The following EXT1 variants were observed in gnomAD, a reference collection of about 807,000 sequenced individuals.
EXT1 encodes the protein exostosin-1.
EXT1 carries 20 observed loss-of-function variants against 82.5 expected under a neutral mutation model. The ratio of observed to expected loss-of-function variants is 0.24; its 90% CI spans 0.17 to 0.35. The LOEUF (loss-of-function observed/expected upper bound fraction) is 0.35. Among genes scored for constraint, EXT1 ranks in the 10% least tolerant of loss-of-function variants. The pLI is 1.00. For missense variants in EXT1, 757 were observed against 936.5 expected (o/e 0.81, Z 2.50); for synonymous variants, 348 against 350.8 (o/e 0.99, Z 0.09).
At chr8:117,905,199 T>C (rs1238764539) in intron 1 of EXT1, among the ~76,000 whole-genome samples, 1 of 152,306 alleles carries the variant, frequency 6.6e-6, no homozygotes, top group African/African-American at 2.4e-5. Flanking sequence ...AGACCTAGAT[T>C]CAAATCTAGC....
intron 1 of EXT1, among the ~76,000 whole-genome samples, chr8:117,921,100 C>T (rs1813846659): frequency 2.0e-5 from 3 of 152,188 alleles, no homozygotes; most frequent in Non-Finnish European, 4.4e-5. Context: ...TGCATTACAG[C>T]TTACAAAGTA....
At chr8:117,848,405 C>T (rs760518166) in intron 1 of EXT1, among the ~76,000 whole-genome samples, 13 of 152,160 alleles carry the variant, frequency 8.5e-5, no homozygotes, top group African/African-American at 3.1e-4. Flanking sequence ...CTCCCTCCTC[C>T]TCCTCCAGCT....
chr8:118,089,321 TCA>T lies in EXT1; in HGVS notation c.962+20762_962+20763del, dbSNP rs536061926. On this transcript the variant is annotated intron_variant, in intron 1 of 10. Coordinates refer to ENST00000378204, the MANE Select transcript of EXT1 (RefSeq NM_000127.3). The stretch of plus-strand genomic sequence containing the variant: ...AAGAGTGAAATGCCAAATTTTACAC[TCA>T]GTTATAAACTAATCGAAGGAGCATT... Among the ~76,000 whole-genome samples the T allele has an allele frequency of 7.2e-5, 11 of 152,278 alleles. No individual in the cohort carries two copies. The South Asian group carries it at 1.5e-3, about 20-fold the overall frequency.
Position 118,111,000 on chromosome 8 carries a change from C to G in EXT1, c.47G>C (p.Cys16Ser). The G allele has an allele frequency of 6.2e-7, 1 of 1,606,468 alleles. No homozygotes were observed. Among genetic ancestry groups the G allele is most frequent in the Non-Finnish European group, 8.5e-7 (1 of 1,179,786 alleles). ...TCCGAAATAAAACAAAAGGGCGAGACAAGAGCCAGCTGAGAGCAGGATGAA... is the reference window on the plus strand; with the variant it reads ...TCCGAAATAAAACAAAAGGGCGAGAGAAGAGCCAGCTGAGAGCAGGATGAA... ...RYFILLSAGS[C>S]LALLFYFGGL... Residue 16 changes from cysteine to serine, a missense_variant, in exon 1 of 11, where the codon TGT becomes TCT. Physicochemically the swap from Cys to Ser is moderately radical, Grantham distance 112. Transcript: ENST00000378204.
chr8:117,893,472 A>G (rs17450835), intron 1 of EXT1, among the ~76,000 whole-genome samples: 37,848 of 152,058 alleles, frequency 0.25, 5,594 homozygotes, highest in East Asian at 0.36. Flanking sequence ...AAGAAACAAA[A>G]GGCCTTTGGA....
chr8:118,058,085 T>C (rs1286353193), intron 1 of EXT1, among the ~76,000 whole-genome samples: 2 of 151,420 alleles, frequency 1.3e-5, no homozygotes, highest in East Asian at 1.9e-4. Flanking sequence ...TATTCCCAAA[T>C]GACAATGTAT....
rs1201282610 is a variant in EXT1 at position 117,835,474 on chromosome 8, G to A, written c.1134C>T (p.Ala378=). 1.9e-6 allele frequency: 3 copies of A among 1,614,040 alleles called. No individual in the cohort carries two copies. The highest frequency in any genetic ancestry group is 2.5e-6 in the Non-Finnish European group (3 of 1,179,978). ...ATAACAATCTCTCATCGCCTATGAC[G>A]GCAGCTTGGTTCCAATTAATCACTT... ...FSEVINWNQA[A]VIGDERLLLQ... The change falls in exon 3 of 11, where the codon GCC becomes GCT. Residue 378 remains alanine, a synonymous_variant. Coordinates refer to ENST00000378204, the MANE Select transcript of EXT1 (RefSeq NM_000127.3).
At chr8:117,952,360 TAC>T (rs1814507367) in intron 1 of EXT1, among the ~76,000 whole-genome samples, 1 of 152,254 alleles carries the variant, frequency 6.6e-6, no homozygotes, top group African/African-American at 2.4e-5. Context: ...GGCAAACATT[TAC>T]AGAGTAGTAC....
At chr8:117,836,536 A>G (rs1812191302) in intron 2 of EXT1, among the ~76,000 whole-genome samples, 1 of 152,180 alleles carries the variant, frequency 6.6e-6, no homozygotes, top group African/African-American at 2.4e-5. Flanking sequence ...GCTGGTTGCA[A>G]CTTCCAGGTG....
At chr8:117,986,677 G>A (rs893384964) in intron 1 of EXT1, among the ~76,000 whole-genome samples, 1 of 152,122 alleles carries the variant, frequency 6.6e-6, no homozygotes, top group Non-Finnish European at 1.5e-5. Context: ...GCTATACATT[G>A]GTGCTAGGCT....
chr8:117,835,284 A>G (rs1812170566), intron 3 of EXT1, among the ~76,000 whole-genome samples, 160 bp downstream of exon 3: 1 of 152,176 alleles, frequency 6.6e-6, no homozygotes, highest in Non-Finnish European at 1.5e-5. Flanking sequence ...AAAGTGAACA[A>G]TGTCATATTA....
intron 1 of EXT1, among the ~76,000 whole-genome samples, chr8:117,891,887 A>G (rs1813250132): frequency 7.5e-6 from 1 of 134,174 alleles, no homozygotes; most frequent in African/African-American, 2.9e-5. Context: ...GCTCACTGCT[A>G]CCTCTGCCTC....
intron 1 of EXT1, among the ~76,000 whole-genome samples, chr8:117,845,786 T>C (rs1812348379): frequency 6.6e-6 from 1 of 152,098 alleles, no homozygotes; most frequent in Admixed American, 6.5e-5. Context: ...ATACCTCCAC[T>C]TTTTAAGCAT....
At chr8:118,052,568 T>G (rs1816735359) in intron 1 of EXT1, among the ~76,000 whole-genome samples, 1 of 152,194 alleles carries the variant, frequency 6.6e-6, no homozygotes, top group Non-Finnish European at 1.5e-5. Context: ...GAATGATATG[T>G]GCAAGGCCAT....
At chr8:118,071,173 T>C (rs1817084143) in intron 1 of EXT1, among the ~76,000 whole-genome samples, 1 of 152,188 alleles carries the variant, frequency 6.6e-6, no homozygotes, top group African/African-American at 2.4e-5. Context: ...AATTGGTAGG[T>C]AGAGCATTTT....
intron 1 of EXT1, among the ~76,000 whole-genome samples, chr8:117,856,555 C>T (rs1018623336): frequency 1.2e-4 from 18 of 151,360 alleles, no homozygotes; most frequent in African/African-American, 3.2e-4. Context: ...CGTGAGCCAC[C>T]GCGCCTGGCC....
At chr8:118,032,322 G>A (rs986364439) in intron 1 of EXT1, among the ~76,000 whole-genome samples, 2 of 151,694 alleles carry the variant, frequency 1.3e-5, no homozygotes, top group Non-Finnish European at 2.9e-5. Flanking sequence ...AGAAATTTTA[G>A]AGTGAGGTCC....
chr8:118,016,169 A>G (rs992784534), intron 1 of EXT1, among the ~76,000 whole-genome samples: 2 of 152,258 alleles, frequency 1.3e-5, no homozygotes, highest in African/African-American at 4.8e-5. Context: ...AGGTGGGCAG[A>G]TCACTAGAGG....
At chr8:117,943,254 T>C (rs780491299) in intron 1 of EXT1, among the ~76,000 whole-genome samples, 1 of 152,200 alleles carries the variant, frequency 6.6e-6, no homozygotes, top group South Asian at 2.1e-4. Flanking sequence ...CAGACACTAC[T>C]ACAAACTGCT....
Sources: gnomAD v4.1 joint callset for allele counts (sites outside exome capture counted in the v4.1 genomes callset) on GRCh38, gnomAD v4.1.1 for gene constraint, MANE v1.5 for transcripts, NCBI Gene and HGNC (gene_info 2026-07-23, HGNC 2026-07-21) for gene names.